Variants in TNKS observed in about 807,000 individuals in gnomAD.
TNKS encodes the protein poly [ADP-ribose] polymerase tankyrase-1.
Under a neutral mutation model 135.8 loss-of-function variants are expected in TNKS, and 72 were observed. The observed-to-expected ratio is 0.53, with a 90% CI of 0.44 to 0.64. The LOEUF is 0.64. Ranked by LOEUF, TNKS falls within the 30% of genes least tolerant of loss-of-function variation. TNKS has a pLI of 0.00. For synonymous variants in TNKS, 849 were observed against 649.3 expected (o/e 1.31, Z -4.68); for missense variants, 1,769 against 1,674.0 (o/e 1.06, Z -0.99).
chr8:9,580,383 G>T lies in TNKS; in HGVS notation c.898G>T (p.Val300Leu), dbSNP rs146167904. 42 of 1,612,290 alleles carry T rather than the reference G, an allele frequency of 2.6e-5. No homozygotes were observed. Among genetic ancestry groups the T allele is most frequent in the Admixed American group, 3.3e-5 (2 of 59,968 alleles). The change falls in exon 2 of 27, where the codon GTG becomes TTG. Residue 300 changes from valine to leucine, a missense_variant and splice_region_variant. By Grantham distance (32) the Val-to-Leu change is conservative. Coordinates refer to ENST00000310430, the MANE Select transcript of TNKS (RefSeq NM_003747.3). ...TAAAGGGAAGATCGATGTGTGCATTGGTAAGTATCATTTGATGATATCTAA... is the reference window on the plus strand; with the variant it reads ...TAAAGGGAAGATCGATGTGTGCATTTGTAAGTATCATTTGATGATATCTAA... ...AIKGKIDVCI[V>L]LLQHGADPNI...
chr8:9,672,666 A>C (rs1002783042), intron 3 of TNKS, among the ~76,000 whole-genome samples: 37 of 141,900 alleles, frequency 2.6e-4, no homozygotes, highest in African/African-American at 8.5e-4. Flanking sequence ...AAAAAAAAAA[A>C]AAAAAAAAAA....
At chr8:9,564,824 G>C (rs1797463231) in intron 1 of TNKS, among the ~76,000 whole-genome samples, 1 of 152,220 alleles carries the variant, frequency 6.6e-6, no homozygotes, top group African/African-American at 2.4e-5. Flanking sequence ...CTGAGGGCTA[G>C]GTGCAGCCTC....
Position 9,748,109 on chromosome 8 carries a change from C to G in TNKS, c.2729C>G (p.Ala910Gly). 1 of 1,614,148 alleles carries G rather than the reference C, an allele frequency of 6.2e-7. No homozygotes were observed. Among genetic ancestry groups the G allele is most frequent in the Non-Finnish European group, 8.5e-7 (1 of 1,180,032 alleles). Residue 910 changes from alanine to glycine, a missense_variant, in exon 18 of 27, where the codon GCA becomes GGA. Around this residue, in one of 5 missense-constraint regions of TNKS, gnomAD observed 722 missense variants for 688.9 expected, o/e 1.05. Transcript: ENST00000310430. ...DKWAFTPLHE[A>G]AQKGRTQLCA... ...TGGGCGTTTACTCCCCTCCATGAAG[C>G]AGCCCAGAAAGGAAGGACGCAGCTG...
rs774023723 is a variant in TNKS, at chr8:9,556,003, C to T, written c.64C>T (p.Pro22Ser). Residue 22 changes from proline to serine, a missense_variant, in exon 1 of 27, where the codon CCA becomes TCA. Pro to Ser is a moderately conservative substitution (Grantham distance 74). This residue lies in a region of TNKS where 450 missense variants were observed against 304.9 expected (regional missense o/e 1.48). Coordinates refer to ENST00000310430, the MANE Select transcript of TNKS (RefSeq NM_003747.3). ...HHHQQQLQPA[P>S]GASAPPPPPP... is the part of the protein sequence containing the mutation. ...TCATCAACAACAGCTCCAGCCCGCC[C>T]CAGGGGCTTCAGCGCCGCCGCCGCC... 4.3e-6 allele frequency: 7 copies of T among 1,613,184 alleles called. No homozygotes were observed. In the South Asian group the frequency reaches 6.6e-5, roughly 15 times the overall value.
In TNKS at chr8:9,696,588, C is replaced by T. The variant is rs919913180; in HGVS notation, c.1108-8075C>T. Among the ~76,000 whole-genome samples, 4 of 152,054 alleles carry T rather than the reference C, an allele frequency of 2.6e-5. No individual in the cohort carries two copies. The South Asian group carries it at 6.2e-4, about 24-fold the overall frequency. On this transcript the variant is annotated intron_variant, in intron 5 of 26. Coordinates refer to ENST00000310430, the MANE Select transcript of TNKS (RefSeq NM_003747.3). ...CCAAAAGGCTGCTAGAACTGATAAA[C>T]GATTTTAGCAAGGTTTCAGTATACA...
intron 2 of TNKS, among the ~76,000 whole-genome samples, chr8:9,612,450 A>C (rs1268368885): frequency 6.6e-6 from 1 of 152,214 alleles, no homozygotes; most frequent in Non-Finnish European, 1.5e-5. Flanking sequence ...ACATTTATAT[A>C]GCACTGCCCA....
chr8:9,689,271 G>T (rs1191648566), intron 5 of TNKS, among the ~76,000 whole-genome samples: 3 of 151,992 alleles, frequency 2.0e-5, no homozygotes, highest in South Asian at 4.2e-4. Flanking sequence ...CAAATTTCTA[G>T]AAGTATCAAA....
chr8:9,692,519 ACT>A (rs997272906), intron 5 of TNKS, among the ~76,000 whole-genome samples: 1 of 152,192 alleles, frequency 6.6e-6, no homozygotes, highest in Non-Finnish European at 1.5e-5. Flanking sequence ...CTGTGATGAG[ACT>A]ATATCTGTCG....
intron 2 of TNKS, among the ~76,000 whole-genome samples, chr8:9,595,177 A>C (rs1051564182): frequency 1.3e-5 from 2 of 151,302 alleles, no homozygotes; most frequent in Non-Finnish European, 2.9e-5. Flanking sequence ...GCTGGAGTGC[A>C]ATGTGTGATC....
At chr8:9,673,100 CCTATTGATGG>C (rs1275069874) in intron 3 of TNKS, among the ~76,000 whole-genome samples, 6 of 151,982 alleles carry the variant, frequency 3.9e-5, no homozygotes, top group Admixed American at 3.9e-4. Flanking sequence ...TATTGAGACA[CCTATTGATGG>C]CTACAATTGA....
At chr8:9,712,913 T>G (rs1804410915) in intron 11 of TNKS, among the ~76,000 whole-genome samples, 1 of 152,130 alleles carries the variant, frequency 6.6e-6, no homozygotes. Flanking sequence ...CATGAAATCT[T>G]TTTAAATTTT....
intron 3 of TNKS, among the ~76,000 whole-genome samples, chr8:9,657,211 C>T (rs1325707564): frequency 3.6e-5 from 5 of 139,696 alleles, no homozygotes; most frequent in African/African-American, 1.1e-4. Flanking sequence ...GCAGAGGTGC[C>T]CCTCACCTCC....
At chr8:9,678,230 C>T (rs1002360027) in intron 3 of TNKS, among the ~76,000 whole-genome samples, 5 of 151,986 alleles carry the variant, frequency 3.3e-5, no homozygotes, top group Non-Finnish European at 7.4e-5. Context: ...TTACTTTGAT[C>T]CTGGTTCTGT....
intron 1 of TNKS, among the ~76,000 whole-genome samples, chr8:9,576,125 A>G (rs1336337638): frequency 1.3e-5 from 2 of 152,036 alleles, no homozygotes; most frequent in African/African-American, 4.8e-5. Flanking sequence ...AAATTACCTG[A>G]TTGGCTTAAT....
chr8:9,648,611 C>T (rs1052763926), intron 3 of TNKS, among the ~76,000 whole-genome samples: 1 of 152,172 alleles, frequency 6.6e-6, no homozygotes, highest in African/African-American at 2.4e-5. Flanking sequence ...TACTTTTATA[C>T]AACTGGCTGT....
intron 3 of TNKS, among the ~76,000 whole-genome samples, chr8:9,672,751 C>G (rs1802355658): frequency 6.6e-6 from 1 of 150,744 alleles, no homozygotes; most frequent in South Asian, 2.1e-4. Flanking sequence ...TTCCCCCAGC[C>G]CCTAGCTGCC....
chr8:9,718,472 C>T (rs377689911), intron 11 of TNKS, among the ~76,000 whole-genome samples: 1 of 152,272 alleles, frequency 6.6e-6, no homozygotes, highest in East Asian at 1.9e-4. Flanking sequence ...TCCCCTCAGC[C>T]ATTTCTTTGT....
chr8:9,709,345 C>G (rs1005989037), intron 9 of TNKS, among the ~76,000 whole-genome samples: 2 of 152,032 alleles, frequency 1.3e-5, no homozygotes, highest in Admixed American at 6.6e-5. Flanking sequence ...ACCTGACCCA[C>G]TTTTTTGGAG....
chr8:9,716,478 G>C (rs1043920550), intron 11 of TNKS, among the ~76,000 whole-genome samples: 1 of 152,044 alleles, frequency 6.6e-6, no homozygotes, highest in African/African-American at 2.4e-5. Flanking sequence ...AACACAAATG[G>C]AAATATATTT....
Sources: gnomAD v4.1 joint callset for allele counts (sites outside exome capture counted in the v4.1 genomes callset) on GRCh38, gnomAD v4.1.1 for gene constraint, gnomAD v4.1.1 regional missense constraint, MANE v1.5 for transcripts, NCBI Gene and HGNC (gene_info 2026-07-23, HGNC 2026-07-21) for gene names.